DPYD: variants seen among roughly 807,000 people sequenced by gnomAD.
DPYD encodes the protein dihydropyrimidine dehydrogenase.
A neutral mutation model predicts 116.2 loss-of-function variants in DPYD; 109 were observed. That is an observed-to-expected ratio of 0.94 (90% CI 0.80 to 1.10). The LOEUF (loss-of-function observed/expected upper bound fraction) is 1.10. Ranked by LOEUF, DPYD falls within the 50% of genes least tolerant of loss-of-function variation. The pLI is 0.00. For missense variants in DPYD, 1,302 were observed against 1,254.5 expected, an observed-to-expected ratio of 1.04 and a Z score of -0.57; for synonymous variants, 440 against 432.0, an observed-to-expected ratio of 1.02 and a Z score of -0.23.
rs1189994428 is a variant in DPYD, at chr1:97,203,625, TA to T, written c.2443-10378del. Among the ~76,000 whole-genome samples, 113 of 39,168 alleles carry T rather than the reference TA, an allele frequency of 2.9e-3. 1 individual carries two copies. The highest frequency in any genetic ancestry group is 9.7e-3 in the African/African-American group (90 of 9,262). The allele number at this position is 39,168 out of a possible 152,430, so 25.7% of individuals were successfully genotyped here. On this transcript the variant is annotated intron_variant, in intron 19 of 22. Transcript: ENST00000370192. ...ATGTACCCTAAAACTTAAAGTATAA[TA>T]AAAAAAATAAAAAAAATAATAAAGG...
chr1:97,470,618 T>C (rs1160636615), intron 13 of DPYD, among the ~76,000 whole-genome samples: 7 of 152,182 alleles, frequency 4.6e-5, no homozygotes, highest in Admixed American at 4.6e-4. Flanking sequence ...TGGGAGAACT[T>C]TGATCTTTAG....
intron 11 of DPYD, among the ~76,000 whole-genome samples, chr1:97,570,421 T>C (rs1652814894): frequency 1.3e-5 from 2 of 152,092 alleles, no homozygotes; most frequent in South Asian, 4.1e-4. Context: ...GTGTTGCCAC[T>C]ATGGAATGTT....
chr1:97,226,142 C>T (rs72726643), intron 19 of DPYD, among the ~76,000 whole-genome samples: 5,515 of 151,996 alleles, frequency 0.036, 308 homozygotes, highest in African/African-American at 0.12. Flanking sequence ...AAAAACCATA[C>T]GATAATCTTA....
At chr1:97,299,037 T>C (rs1401255820) in intron 18 of DPYD, among the ~76,000 whole-genome samples, 1 of 152,112 alleles carries the variant, frequency 6.6e-6, no homozygotes, top group Non-Finnish European at 1.5e-5. Context: ...ATTAATCCAA[T>C]GTACTGTACC....
At chr1:97,910,641 C>G (rs947639585) in intron 1 of DPYD, among the ~76,000 whole-genome samples, 1 of 152,058 alleles carries the variant, frequency 6.6e-6, no homozygotes, top group African/African-American at 2.4e-5. Context: ...AACATTAGCA[C>G]TCTAATTCCA....
chr1:97,097,127 A>C (rs944930469), intron 21 of DPYD, among the ~76,000 whole-genome samples: 2 of 152,184 alleles, frequency 1.3e-5, no homozygotes, highest in Admixed American at 1.3e-4. Flanking sequence ...AAAATAATTT[A>C]ACATGAACAA....
intron 2 of DPYD, among the ~76,000 whole-genome samples, chr1:97,853,694 T>C (rs569810021): frequency 1.2e-4 from 19 of 152,324 alleles, no homozygotes; most frequent in Admixed American, 2.0e-4. Context: ...ACACTTTTAC[T>C]AGGAAGTAGA....
chr1:97,139,325 T>C (rs1026450822), intron 20 of DPYD, among the ~76,000 whole-genome samples: 5 of 152,106 alleles, frequency 3.3e-5, no homozygotes, highest in African/African-American at 4.8e-5. Context: ...AACTGCAAAG[T>C]GTTTTTTGTT....
intron 2 of DPYD, among the ~76,000 whole-genome samples, chr1:97,836,970 A>AT (rs1344482559): frequency 6.6e-6 from 1 of 152,178 alleles, no homozygotes; most frequent in African/African-American, 2.4e-5. Flanking sequence ...ACATGTGTGC[A>AT]TTTTAATACA....
At chr1:97,513,849 A>G (rs576754195) in intron 13 of DPYD, among the ~76,000 whole-genome samples, 83 of 152,034 alleles carry the variant, frequency 5.5e-4, no homozygotes, top group African/African-American at 1.9e-3. Context: ...CAAAAAAAGT[A>G]GACCTCTATG....
chr1:97,526,705 T>C (rs1252222700), intron 12 of DPYD, among the ~76,000 whole-genome samples: 1 of 152,120 alleles, frequency 6.6e-6, no homozygotes, highest in Non-Finnish European at 1.5e-5. Flanking sequence ...ACAGACCGTT[T>C]AAGTTCGGAA....
chr1:97,145,173 GCA>G (rs749870948), intron 20 of DPYD, among the ~76,000 whole-genome samples: 23 of 152,240 alleles, frequency 1.5e-4, no homozygotes, highest in Admixed American at 3.9e-4. Context: ...AACAGGGAGT[GCA>G]CATGTTCTAA....
intron 8 of DPYD, among the ~76,000 whole-genome samples, chr1:97,669,028 C>A (rs1442863353): frequency 6.6e-6 from 1 of 151,632 alleles, no homozygotes; most frequent in East Asian, 1.9e-4. Context: ...GGATGCACAA[C>A]GTATCTCAGT....
chr1:97,440,316 G>A (rs1346055255), intron 14 of DPYD, among the ~76,000 whole-genome samples: 2 of 150,784 alleles, frequency 1.3e-5, no homozygotes, highest in African/African-American at 4.9e-5. Flanking sequence ...TAATTGCGGT[G>A]CTTAGACCAT....
At chr1:97,096,755 G>A (rs1038361473) in intron 21 of DPYD, among the ~76,000 whole-genome samples, 1 of 152,132 alleles carries the variant, frequency 6.6e-6, no homozygotes, top group African/African-American at 2.4e-5. Flanking sequence ...GAATATGGGA[G>A]GGGACAATAA....
At chr1:97,191,239 C>T (rs1165421694) in intron 20 of DPYD, among the ~76,000 whole-genome samples, 4 of 151,800 alleles carry the variant, frequency 2.6e-5, no homozygotes, top group East Asian at 3.9e-4. Flanking sequence ...AAAAAAAGAA[C>T]GATTAGGAAA....
chr1:97,326,583 A>T (rs1178693040), intron 16 of DPYD, among the ~76,000 whole-genome samples: 2 of 151,860 alleles, frequency 1.3e-5, no homozygotes, highest in Non-Finnish European at 2.9e-5. Context: ...TATAAATGAG[A>T]AGACCACTTC....
intron 18 of DPYD, among the ~76,000 whole-genome samples, chr1:97,281,124 A>G (rs1013467732): frequency 1.3e-5 from 2 of 152,150 alleles, no homozygotes; most frequent in African/African-American, 4.8e-5. Context: ...ATGATATCAA[A>G]GAAATCTCCC....
chr1:97,806,303 T>C (rs181483173), intron 3 of DPYD, among the ~76,000 whole-genome samples: 17 of 152,020 alleles, frequency 1.1e-4, no homozygotes, highest in Middle Eastern at 3.4e-3. Flanking sequence ...GTTTCACATC[T>C]TCACCAAAAT....
Sources: allele counts gnomAD v4.1 joint callset (sites outside exome capture counted in the v4.1 genomes callset), GRCh38; gene constraint gnomAD v4.1.1; transcripts MANE v1.5; gene names NCBI Gene and HGNC (gene_info 2026-07-23, HGNC 2026-07-21).